Variants in LDB2 observed in about 807,000 individuals in gnomAD.
LDB2 encodes the protein LIM domain-binding protein 2.
LDB2 carries 12 observed loss-of-function variants against 44.3 expected under a neutral mutation model. That is an observed-to-expected ratio of 0.27 (90% CI 0.17 to 0.44). LDB2 has a LOEUF of 0.44. Ranked by LOEUF, LDB2 falls within the 20% of genes least tolerant of loss-of-function variation. LDB2 has a pLI of 1.00. For missense variants in LDB2, 344 were observed against 473.5 expected, an observed-to-expected ratio of 0.73 and a Z score of 2.54; for synonymous variants, 164 against 174.8, an observed-to-expected ratio of 0.94 and a Z score of 0.49.
In LDB2 at chr4:16,540,237, A is replaced by AT. The variant is rs150583209; in HGVS notation, c.616-28134dup. On this transcript the variant is annotated intron_variant, in intron 5 of 7. Transcript: ENST00000304523. ...TTGGGTGGGGACACAAATCCAAACC[A>AT]TATCAGTGGGCTTGGGAGTGGACAT... 9.0e-3 allele frequency among the ~76,000 whole-genome samples: 1,376 copies of AT among 152,160 alleles called. 18 individuals are homozygous for AT. Among genetic ancestry groups the AT allele is most frequent in the African/African-American group, 0.032 (1,312 of 41,506 alleles).
rs1491488226 is a variant in LDB2, at chr4:16,766,468, A to ATATGTG, written c.133-7209_133-7208insCACATA. Among the ~76,000 whole-genome samples, 4 of 41,336 alleles carry ATATGTG rather than the reference A, an allele frequency of 9.7e-5. No homozygotes were observed. The East Asian group carries it at 1.6e-3, about 17-fold the overall frequency. 27.1% of individuals were successfully genotyped at this position (41,336 alleles called of 152,430 possible). A position where few individuals can be genotyped will look rare whatever the true frequency, so the allele number is the denominator to read the frequency against. On this transcript the variant is annotated intron_variant, in intron 1 of 7. Transcript: ENST00000304523. ...TGTGTATATATATACACACACATAT[A>ATATGTG]TGTGTGTGTGTGTGTGTGTGTGTGT...
chr4:16,583,904 C>T (rs1715739129), intron 5 of LDB2, among the ~76,000 whole-genome samples: 1 of 152,208 alleles, frequency 6.6e-6, no homozygotes. Flanking sequence ...CAGCCTGTGA[C>T]TACCAACTGA....
intron 2 of LDB2, among the ~76,000 whole-genome samples, chr4:16,686,344 T>C (rs555627866): frequency 1.3e-5 from 2 of 152,332 alleles, no homozygotes; most frequent in South Asian, 2.1e-4. Context: ...ATTGGAATCT[T>C]GTATAATCAT....
chr4:16,681,405 GC>G (rs968137020), intron 2 of LDB2, among the ~76,000 whole-genome samples: 22 of 152,018 alleles, frequency 1.4e-4, no homozygotes, highest in African/African-American at 5.3e-4. Context: ...ACAGATAAGA[GC>G]CCAACCCAGC....
intron 4 of LDB2, among the ~76,000 whole-genome samples, chr4:16,586,522 AC>A (rs1560554367): frequency 5.7e-5 from 5 of 87,110 alleles, no homozygotes; most frequent in African/African-American, 1.3e-4. Context: ...ACACACACAC[AC>A]ACAAAACACA....
At chr4:16,702,379 C>T (rs1272277112) in intron 2 of LDB2, among the ~76,000 whole-genome samples, 2 of 152,158 alleles carry the variant, frequency 1.3e-5, no homozygotes, top group Non-Finnish European at 2.9e-5. Context: ...GCCCTGCATG[C>T]TCCCGTTCCC....
At chr4:16,534,702 A>AAG (rs1017620580) in intron 5 of LDB2, among the ~76,000 whole-genome samples, 1 of 152,230 alleles carries the variant, frequency 6.6e-6, no homozygotes, top group African/African-American at 2.4e-5. Flanking sequence ...GATGAATTAG[A>AAG]AGAGCAAAGC....
intron 2 of LDB2, among the ~76,000 whole-genome samples, chr4:16,663,700 C>T (rs375552873): frequency 6.6e-5 from 10 of 152,132 alleles, no homozygotes; most frequent in Admixed American, 3.9e-4. Context: ...AATATCTATT[C>T]GTAATCTAAG....
chr4:16,685,315 C>T (rs1748949158), intron 2 of LDB2, among the ~76,000 whole-genome samples: 1 of 152,168 alleles, frequency 6.6e-6, no homozygotes, highest in African/African-American at 2.4e-5. Context: ...TTGTTTCTGC[C>T]TCCCTAAAAT....
At chr4:16,708,629 C>G (rs1261363238) in intron 2 of LDB2, among the ~76,000 whole-genome samples, 1 of 152,144 alleles carries the variant, frequency 6.6e-6, no homozygotes, top group African/African-American at 2.4e-5. Flanking sequence ...TAATATGGAG[C>G]TGAGGATACA....
intron 1 of LDB2, among the ~76,000 whole-genome samples, chr4:16,801,786 T>C (rs1400893988): frequency 6.6e-6 from 1 of 152,160 alleles, no homozygotes; most frequent in Non-Finnish European, 1.5e-5. Context: ...AAAGAATAAA[T>C]ATATGCTTGA....
At chr4:16,774,984 G>A (rs1035575095) in intron 1 of LDB2, among the ~76,000 whole-genome samples, 4 of 152,192 alleles carry the variant, frequency 2.6e-5, no homozygotes, top group African/African-American at 9.7e-5. Flanking sequence ...TCAGATGCAT[G>A]CTGTGTATAA....
intron 5 of LDB2, among the ~76,000 whole-genome samples, chr4:16,515,667 AT>A (rs1285823288): frequency 1.3e-5 from 2 of 151,752 alleles, no homozygotes. Context: ...ATTTTAGAGT[AT>A]TTTTTTTAGT....
At chr4:16,720,048 AAGAG>A (rs1757921151) in intron 2 of LDB2, among the ~76,000 whole-genome samples, 1 of 152,092 alleles carries the variant, frequency 6.6e-6, no homozygotes, top group East Asian at 1.9e-4. Context: ...CTCTTAAGCC[AAGAG>A]AGACTCAATA....
At chr4:16,775,324 G>A (rs1414996581) in intron 1 of LDB2, among the ~76,000 whole-genome samples, 1 of 152,126 alleles carries the variant, frequency 6.6e-6, no homozygotes, top group Non-Finnish European at 1.5e-5. Context: ...TATCCATAAT[G>A]CATCTTACAA....
rs1018371333 is a variant in LDB2 at position 16,564,142 on chromosome 4, T to G, written c.615+21780A>C. On this transcript the variant is annotated intron_variant, in intron 5 of 7. Coordinates refer to ENST00000304523, the MANE Select transcript of LDB2 (RefSeq NM_001290.5). The stretch of plus-strand genomic sequence containing the variant: ...ACTCAAAAGACTCACAGCTTATATC[T>G]AACTGCCTTTTTGACAACCCTCAGT... Among the ~76,000 whole-genome samples the G allele has an allele frequency of 2.0e-5, 3 of 152,120 alleles. No homozygotes were observed. In the East Asian group the frequency reaches 5.8e-4, roughly 29 times the overall value.
chr4:16,622,963 T>A (rs1042058436), intron 2 of LDB2, among the ~76,000 whole-genome samples: 5 of 152,200 alleles, frequency 3.3e-5, no homozygotes, highest in African/African-American at 1.2e-4. Flanking sequence ...TTTTTCTATA[T>A]ATACCACTAG....
rs78516806 is a variant in LDB2, at chr4:16,884,721, T to A, written c.132+13633A>T. On this transcript the variant is annotated intron_variant, in intron 1 of 7. Transcript: ENST00000304523. ...TCTAGACTAGTAATATCATGTGTAG[T>A]AGATGTTCAATATCCATTAAACAAA... 7.7e-4 allele frequency among the ~76,000 whole-genome samples: 117 copies of A among 152,320 alleles called. 4 individuals are homozygous for A. The East Asian group carries it at 0.02, about 26-fold the overall frequency.
intron 5 of LDB2, among the ~76,000 whole-genome samples, chr4:16,575,674 A>G (rs577174713): frequency 3.3e-5 from 5 of 152,392 alleles, no homozygotes; most frequent in African/African-American, 1.2e-4. Flanking sequence ...ATACAAATAC[A>G]TGAAAATGAG....
Sources: allele counts gnomAD v4.1 joint callset (sites outside exome capture counted in the v4.1 genomes callset), GRCh38; gene constraint gnomAD v4.1.1; transcripts MANE v1.5; gene names NCBI Gene and HGNC (gene_info 2026-07-23, HGNC 2026-07-21).